The following SHISA9 variants were observed in gnomAD, a reference collection of about 807,000 sequenced individuals.
SHISA9 encodes shisa family member 9.
In SHISA9, 13 loss-of-function variants were observed where a neutral mutation model predicts 38.0. That is an observed-to-expected ratio of 0.34 (90% CI 0.22 to 0.54). The LOEUF (loss-of-function observed/expected upper bound fraction) is 0.54, where lower values mean the gene tolerates loss of function less well. Ranked by LOEUF, SHISA9 falls within the 20% of genes least tolerant of loss-of-function variation. The pLI is 0.91. For missense variants in SHISA9, 538 were observed against 575.8 expected (o/e 0.93, Z 0.67); for synonymous variants, 275 against 242.0 (o/e 1.14, Z -1.27).
intron 1 of SHISA9, chr16:12,909,712 T>A: frequency 4.9e-6 from 2 of 406,814 alleles, no homozygotes; most frequent in Non-Finnish European, 6.6e-6. Flanking sequence ...CCTGACACAC[T>A]CCAGCCCATC....
the SHISA9 span, among the ~76,000 whole-genome samples, chr16:13,368,330 C>T: frequency 6.6e-6 from 1 of 152,194 alleles, no homozygotes; most frequent in Admixed American, 6.5e-5. Context: ...CTTACTTCTC[C>T]ACGGGGGTTC....
chr16:13,050,574 C>T lies in SHISA9; in HGVS notation c.691+133759C>T, dbSNP rs112788316. Among the ~76,000 whole-genome samples, 1,281 of 152,284 alleles carry T rather than the reference C, an allele frequency of 8.4e-3. 19 individuals are homozygous for T. Among genetic ancestry groups the T allele is most frequent in the African/African-American group, 0.029 (1,216 of 41,552 alleles). On this transcript the variant is annotated intron_variant, in intron 2 of 4. Transcript: ENST00000558583. ...CTTGAACTCCTGAGCTCAAGCGGTC[C>T]GCTCTCTTCAGCCTCCCAAAGTGCT...
intron 2 of SHISA9, among the ~76,000 whole-genome samples, chr16:13,076,732 C>T (rs1404302970): frequency 6.6e-6 from 1 of 152,198 alleles, no homozygotes; most frequent in African/African-American, 2.4e-5. Flanking sequence ...CGGCAATAGC[C>T]TCTTGCAGTG....
intron 2 of SHISA9, among the ~76,000 whole-genome samples, chr16:13,145,454 G>A (rs1202883142): frequency 6.6e-6 from 1 of 152,184 alleles, no homozygotes; most frequent in African/African-American, 2.4e-5. Context: ...TTGAACCCGG[G>A]AGGCGGGAGT....
At chr16:13,401,124 C>G in the SHISA9 span, among the ~76,000 whole-genome samples, 1 of 152,206 alleles carries the variant, frequency 6.6e-6, no homozygotes, top group Non-Finnish European at 1.5e-5. Context: ...CCCACAGAAT[C>G]TCCCAAGGAT....
At chr16:12,915,378 G>A (rs1316618477) in intron 1 of SHISA9, among the ~76,000 whole-genome samples, 1 of 152,188 alleles carries the variant, frequency 6.6e-6, no homozygotes, top group East Asian at 1.9e-4. Context: ...TGAGGAGTTC[G>A]AGGCTGCTGT....
chr16:13,331,403 TAAAA>T, the SHISA9 span: 1 of 146,354 alleles, frequency 6.8e-6, no homozygotes, highest in Non-Finnish European at 1.5e-5. Context: ...AATTTTTCTG[TAAAA>T]AAAAAAAGCT....
the SHISA9 span, among the ~76,000 whole-genome samples, chr16:13,354,451 T>C: frequency 6.6e-6 from 1 of 151,188 alleles, no homozygotes; most frequent in Non-Finnish European, 1.5e-5. Context: ...TAATGTGGGA[T>C]TGAAGTCTGG....
At chr16:13,355,141 A>G in the SHISA9 span, among the ~76,000 whole-genome samples, 5 of 150,432 alleles carry the variant, frequency 3.3e-5, no homozygotes, top group Non-Finnish European at 7.4e-5. Flanking sequence ...AGGCAAAACA[A>G]TTTGGTTGAT....
chr16:13,279,854 A>G, the SHISA9 span, among the ~76,000 whole-genome samples: 2 of 151,868 alleles, frequency 1.3e-5, no homozygotes, highest in South Asian at 4.1e-4. Context: ...GTATTATGTA[A>G]TGTCACTCCA....
At chr16:13,285,466 T>G in the SHISA9 span, among the ~76,000 whole-genome samples, 4 of 146,750 alleles carry the variant, frequency 2.7e-5, no homozygotes, top group African/African-American at 7.5e-5. Context: ...GGTGTAGTTT[T>G]TTTTTTTTTT....
chr16:13,155,438 C>T (rs1180689369), intron 2 of SHISA9, among the ~76,000 whole-genome samples: 2 of 152,312 alleles, frequency 1.3e-5, no homozygotes, highest in East Asian at 3.9e-4. Flanking sequence ...ACTATTTTTG[C>T]TGCTCTTAAG....
chr16:13,211,700 T>G (rs1439589098), intron 3 of SHISA9, among the ~76,000 whole-genome samples: 1 of 152,238 alleles, frequency 6.6e-6, no homozygotes, highest in Non-Finnish European at 1.5e-5. Flanking sequence ...AATGAACTTA[T>G]AAATGAAAAT....
the SHISA9 span, among the ~76,000 whole-genome samples, chr16:13,435,027 A>G: frequency 1.3e-5 from 2 of 152,246 alleles, no homozygotes; most frequent in South Asian, 2.1e-4. Context: ...GTGTTGTGTG[A>G]CAAGATTTCA....
chr16:12,973,258 C>G (rs2072109413), intron 2 of SHISA9, among the ~76,000 whole-genome samples: 1 of 152,204 alleles, frequency 6.6e-6, no homozygotes, highest in Non-Finnish European at 1.5e-5. Context: ...TTTTGCCCTT[C>G]TTTTCCTTTT....
the SHISA9 span, among the ~76,000 whole-genome samples, chr16:13,473,820 T>A: frequency 1.3e-5 from 2 of 152,214 alleles, no homozygotes; most frequent in African/African-American, 2.4e-5. Flanking sequence ...TGTTCTTTTT[T>A]AAATAACACA....
At chr16:13,077,003 A>C (rs561962594) in intron 2 of SHISA9, among the ~76,000 whole-genome samples, 22 of 152,336 alleles carry the variant, frequency 1.4e-4, no homozygotes, top group African/African-American at 5.3e-4. Flanking sequence ...TGAGGCAAGA[A>C]GCAAAATCCC....
At chr16:13,349,835 T>C in the SHISA9 span, among the ~76,000 whole-genome samples, 1 of 152,218 alleles carries the variant, frequency 6.6e-6, no homozygotes, top group African/African-American at 2.4e-5. Context: ...GATTTTCATC[T>C]GGTCTGGAAG....
At chr16:13,156,124 A>C (rs926102621) in intron 2 of SHISA9, among the ~76,000 whole-genome samples, 4 of 152,174 alleles carry the variant, frequency 2.6e-5, no homozygotes, top group African/African-American at 9.7e-5. Context: ...CTAGTCCAGG[A>C]AAGTGTGCCT....
Sources: gnomAD v4.1 joint callset for allele counts (sites outside exome capture counted in the v4.1 genomes callset) on GRCh38, gnomAD v4.1.1 for gene constraint, MANE v1.5 for transcripts, NCBI Gene and HGNC (gene_info 2026-07-23, HGNC 2026-07-21) for gene names.